Variants in OSBPL5 observed in about 807,000 individuals in gnomAD.
OSBPL5 encodes oxysterol-binding protein-related protein 5.
OSBPL5 carries 71 observed loss-of-function variants against 111.2 expected under a neutral mutation model. That is an observed-to-expected ratio of 0.64 (90% CI 0.53 to 0.78). The LOEUF is 0.78. OSBPL5 is among the 30% of genes least tolerant of loss of function. The probability of loss-of-function intolerance (pLI) is 0.00; values close to 1 mark genes in which losing one functional copy is unlikely to be tolerated. For missense variants in OSBPL5, 1,210 were observed against 1,189.3 expected (o/e 1.02, Z -0.26); for synonymous variants, 549 against 513.9 (o/e 1.07, Z -0.93).
chr11:3,165,196 C>G lies in OSBPL5; in HGVS notation c.-22+20G>C, dbSNP rs4758546. 77,912 of 150,376 alleles carry G rather than the reference C, an allele frequency of 0.52. 21,706 individuals carry two copies. The highest frequency in any genetic ancestry group is 0.72 in the African/African-American group (29,614 of 41,268). 9.3% of individuals were successfully genotyped at this position (150,376 alleles called of 1,614,324 possible). The stretch of plus-strand genomic sequence containing the variant: ...CATCCCCCCGCCGCCCTGCCGCCCC[C>G]CGGGCCGCCGCGCTCCTACCTCCTA... On this transcript the variant is annotated intron_variant, in intron 1 of 21. Coordinates refer to ENST00000263650, the MANE Select transcript of OSBPL5 (RefSeq NM_020896.4). The surrounding 1 kb of genome is among the most constrained non-coding windows in gnomAD (Gnocchi z 7.4).
In OSBPL5 at chr11:3,104,143, A is replaced by C. The variant is rs754662262; in HGVS notation, c.1244+50T>G. 1 of 1,555,774 alleles carries C rather than the reference A, an allele frequency of 6.4e-7. No homozygotes were observed. Among genetic ancestry groups the C allele is most frequent in the Non-Finnish European group, 8.7e-7 (1 of 1,143,244 alleles). On this transcript the variant is annotated intron_variant, in intron 10 of 21. Transcript: ENST00000263650. The surrounding 1 kb of genome is among the most constrained non-coding windows in gnomAD (Gnocchi z 5.0). ...GGGGCTGGGGGTGCTGCAGGGTCTCATGCAGATGCAGGACGAGGTGTGGGG... is the reference window on the plus strand; with the variant it reads ...GGGGCTGGGGGTGCTGCAGGGTCTCCTGCAGATGCAGGACGAGGTGTGGGG...
At position 3,093,777 on chromosome 11, in the gene OSBPL5, T is replaced by G. The variant is rs751715668; in HGVS notation, c.1778A>C (p.Glu593Ala). The G allele has an allele frequency of 5.0e-6, 8 of 1,613,110 alleles. No individual in the cohort carries two copies. In the South Asian group the frequency reaches 8.8e-5, roughly 18 times the overall value. ...NQISGKITSG[E>A]EVLASLSGHW... is the part of the protein sequence containing the mutation. ...GCCACTGAGGCTCGCCAGGACTTCC[T>G]CTCCCGACGTGATCTTTCCCGAGAT... Residue 593 changes from glutamate (E) to alanine (A), a missense_variant, in exon 16 of 22, where the codon GAG becomes GCG. By Grantham distance (107) the Glu-to-Ala change is moderately radical. Coordinates refer to ENST00000263650, the MANE Select transcript of OSBPL5 (RefSeq NM_020896.4).
intron 19 of OSBPL5, among the ~76,000 whole-genome samples, chr11:3,091,263 G>A (rs973383066): frequency 3.9e-5 from 6 of 152,272 alleles, no homozygotes; most frequent in Admixed American, 2.0e-4. Flanking sequence ...CTGATGCTCA[G>A]GGGTGGGGAA....
In OSBPL5 at chr11:3,107,526, C is replaced by A; in HGVS notation, c.867-71G>T. 6.5e-7 allele frequency: 1 copy of A among 1,531,978 alleles called. No individual in the cohort carries two copies. The allele number at this position is 1,531,978 out of a possible 1,614,324, so 94.9% of individuals were successfully genotyped here. A position where few individuals can be genotyped will look rare whatever the true frequency, so the allele number is the denominator to read the frequency against. ...CCAGCACAGCCCTCTGGGCTGCCCA[C>A]CCCTCGCTGCTCCGCACTTCACATA... On this transcript the variant is annotated intron_variant, in intron 8 of 21. Transcript: ENST00000263650. This position sits in a 1 kb window ranked among gnomAD's most constrained non-coding sequence, Gnocchi z 6.1.
intron 12 of OSBPL5, among the ~76,000 whole-genome samples, 163 bp from the exon 13 acceptor site, chr11:3,101,862 C>T (rs1307099996): frequency 6.6e-5 from 10 of 152,200 alleles, no homozygotes; most frequent in Non-Finnish European, 1.5e-4. Flanking sequence ...GCTTACGACG[C>T]CCAGGGCAGG....
Position 3,140,336 on chromosome 11 carries a change from G to T in OSBPL5, c.-21-11167C>A, listed in dbSNP as rs1373896974. 6.6e-6 allele frequency among the ~76,000 whole-genome samples: 1 copy of T among 152,166 alleles called. No individual in the cohort carries two copies. The highest frequency in any genetic ancestry group is 2.1e-4 in the South Asian group (1 of 4,836). On this transcript the variant is annotated intron_variant, in intron 1 of 21. Transcript: ENST00000263650. The surrounding 1 kb of genome is among the most constrained non-coding windows in gnomAD (Gnocchi z 4.5). ...GACACACACAGCCAAGCTCTCCCCT[G>T]TATCCCTCAGGTGCTGGACAGGCAG...
In OSBPL5 at chr11:3,104,520, G is replaced by A; in HGVS notation, c.1060-143C>T. 6.0e-6 allele frequency: 5 copies of A among 828,872 alleles called. No individual in the cohort carries two copies. The highest frequency in any genetic ancestry group is 3.0e-5 in the Admixed American group (1 of 33,444). The allele number at this position is 828,872 out of a possible 1,614,324, so 51.3% of individuals were successfully genotyped here. Reference sequence around the variant, plus strand: ...CCTGACCTGGCCTCCATGGCCTCATGAGGCTGACTCAGCCCCATCAGATGT... The same window carrying A: ...CCTGACCTGGCCTCCATGGCCTCATAAGGCTGACTCAGCCCCATCAGATGT... On this transcript the variant is annotated intron_variant, in intron 9 of 21. Transcript: ENST00000263650. This position sits in a 1 kb window ranked among gnomAD's most constrained non-coding sequence, Gnocchi z 5.0.
rs559513149 is a variant in OSBPL5, at chr11:3,091,156, A to G, written c.2260-460T>C. On this transcript the variant is annotated intron_variant, in intron 19 of 21. Transcript: ENST00000263650. ...TGTCAAGGGGCATCTCCAGGGGGGA[A>G]CCCCCACACTCAGCCGGCTGCTCAC... Among the ~76,000 whole-genome samples the G allele has an allele frequency of 3.7e-4, 56 of 152,176 alleles. 1 individual carries two copies. The highest frequency in any genetic ancestry group is 1.2e-3 in the African/African-American group (50 of 41,522).
chr11:3,128,229 C>A (rs1858702928), intron 2 of OSBPL5, among the ~76,000 whole-genome samples: 1 of 152,204 alleles, frequency 6.6e-6, no homozygotes, highest in Non-Finnish European at 1.5e-5. Context: ...CCCCCCAGGG[C>A]AGATGAGATG....
chr11:3,120,694 G>A lies in OSBPL5; in HGVS notation c.403-70C>T, dbSNP rs1590679329. On this transcript the variant is annotated intron_variant, in intron 5 of 21. Transcript: ENST00000263650. The stretch of plus-strand genomic sequence containing the variant: ...CATCCCTGGGGCATCTTGATGGCTT[G>A]GCGGGGAGCCAGGCACAGACCAGGG... 4.5e-6 allele frequency: 7 copies of A among 1,551,560 alleles called. No individual in the cohort carries two copies. The East Asian group carries it at 1.4e-4, about 31-fold the overall frequency.
intron 14 of OSBPL5, among the ~76,000 whole-genome samples, chr11:3,096,253 G>A (rs1235769890): frequency 6.6e-6 from 1 of 152,218 alleles, no homozygotes; most frequent in Non-Finnish European, 1.5e-5. Flanking sequence ...GAACCAGATT[G>A]TAGACTCGAT....
chr11:3,097,667 G>A (rs1215295147), intron 14 of OSBPL5, among the ~76,000 whole-genome samples: 1 of 152,180 alleles, frequency 6.6e-6, no homozygotes, highest in Non-Finnish European at 1.5e-5. Flanking sequence ...AACAGAATAT[G>A]AGAGTGACCA....
intron 17 of OSBPL5, chr11:3,093,289 C>A: frequency 1.3e-6 from 1 of 761,620 alleles, no homozygotes; most frequent in Non-Finnish European, 2.1e-6. Context: ...ACCTGTTGGT[C>A]ACTCGCCGGC....
intron 7 of OSBPL5, 108 bp from the exon 8 acceptor site, chr11:3,108,053 C>T: frequency 7.1e-7 from 1 of 1,409,076 alleles, no homozygotes; most frequent in Non-Finnish European, 9.5e-7. Context: ...CAGGGACCCA[C>T]CCCCTCCATC....
chr11:3,102,354 T>C (rs1208710196), intron 11 of OSBPL5, 73 bp from the exon 12 acceptor site: 1 of 1,431,482 alleles, frequency 7.0e-7, no homozygotes, highest in Non-Finnish European at 9.6e-7. Flanking sequence ...GTGAGGGATG[T>C]GGACGGAGGG....
chr11:3,112,051 G>GCGCA (rs1457270348), intron 7 of OSBPL5, among the ~76,000 whole-genome samples: 2 of 55,862 alleles, frequency 3.6e-5, no homozygotes, highest in Admixed American at 1.9e-4. Context: ...GCGCGCATGT[G>GCGCA]TGTGCATGTG....
intron 7 of OSBPL5, among the ~76,000 whole-genome samples, chr11:3,112,048 T>C (rs1344407036): frequency 7.1e-5 from 2 of 28,198 alleles, no homozygotes; most frequent in African/African-American, 3.5e-4. Flanking sequence ...TGTGCGCGCA[T>C]GTGTGTGCAT....
intron 3 of OSBPL5, 140 bp from the exon 4 acceptor site, chr11:3,122,568 T>C (rs1191108825): frequency 3.0e-6 from 2 of 675,042 alleles, no homozygotes; most frequent in Non-Finnish European, 4.9e-6. Flanking sequence ...GCACCCTCCA[T>C]CCCCCCCACC....
rs1336088838 is a variant in OSBPL5, at chr11:3,092,462, G to C, written c.2229C>G (p.Thr743=). 4 of 1,579,172 alleles carry C rather than the reference G, an allele frequency of 2.5e-6. No homozygotes were observed. The Admixed American group carries it at 7.2e-5, about 29-fold the overall frequency. The change falls in exon 19 of 22, where the codon ACC becomes ACG. Residue 743 remains threonine, a synonymous_variant. Coordinates refer to ENST00000263650, the MANE Select transcript of OSBPL5 (RefSeq NM_020896.4). This position sits in a 1 kb window ranked among gnomAD's most constrained non-coding sequence, Gnocchi z 5.4. ...LQQEAVARQT[T]FLGSPGPRHE... is the part of the protein sequence containing the mutation. ...GCCTGGGCCCTGGGCTGCCCAGGAAGGTGGTCTGGCGGGCCACGGCCTCCT... is the reference window on the plus strand; with the variant it reads ...GCCTGGGCCCTGGGCTGCCCAGGAACGTGGTCTGGCGGGCCACGGCCTCCT...
Sources: allele counts gnomAD v4.1 joint callset (sites outside exome capture counted in the v4.1 genomes callset), GRCh38; gene constraint gnomAD v4.1.1; non-coding constraint Gnocchi (gnomAD v3.1); transcripts MANE v1.5; gene names NCBI Gene and HGNC (gene_info 2026-07-23, HGNC 2026-07-21).